TRPM3: variants seen among roughly 807,000 people sequenced by gnomAD.
The protein encoded by TRPM3 is transient receptor potential cation channel subfamily M member 3.
In TRPM3, 77 loss-of-function variants were observed where a neutral mutation model predicts 181.2. The observed-to-expected ratio is 0.42, with a 90% CI of 0.35 to 0.51. The LOEUF (loss-of-function observed/expected upper bound fraction) is 0.51, where lower values mean the gene tolerates loss of function less well. Ranked by LOEUF, TRPM3 falls within the 20% of genes least tolerant of loss-of-function variation. The probability of loss-of-function intolerance (pLI) is 0.01; values close to 1 mark genes in which losing one functional copy is unlikely to be tolerated. For missense variants in TRPM3, 1,759 were observed against 2,196.7 expected, an observed-to-expected ratio of 0.80 and a Z score of 3.98; for synonymous variants, 745 against 796.4, an observed-to-expected ratio of 0.94 and a Z score of 1.09.
intron 1 of TRPM3, among the ~76,000 whole-genome samples, chr9:70,915,320 CAG>C (rs1383030082): frequency 1.3e-5 from 2 of 151,396 alleles, no homozygotes; most frequent in African/African-American, 2.4e-5. Context: ...TTTTTTGAGA[CAG>C]AGTCTTACTC....
intron 1 of TRPM3, among the ~76,000 whole-genome samples, chr9:71,130,028 A>AT (rs1350702374): frequency 1.3e-5 from 2 of 152,252 alleles, no homozygotes; most frequent in African/African-American, 2.4e-5. Flanking sequence ...AACTTATATG[A>AT]TTTTTTGCAA....
chr9:71,111,415 C>A (rs1396722591), intron 1 of TRPM3, among the ~76,000 whole-genome samples: 3 of 152,138 alleles, frequency 2.0e-5, no homozygotes, highest in Non-Finnish European at 4.4e-5. Context: ...TTCCCCTCGC[C>A]CCCAAAGGAT....
chr9:71,419,618 A>G (rs183122267), intron 1 of TRPM3, among the ~76,000 whole-genome samples: 5 of 152,112 alleles, frequency 3.3e-5, no homozygotes, highest in African/African-American at 1.2e-4. Context: ...TTGTAACCAA[A>G]GATACATATC....
intron 1 of TRPM3, among the ~76,000 whole-genome samples, chr9:71,400,206 G>T (rs28408974): frequency 6.6e-6 from 1 of 151,942 alleles, no homozygotes; most frequent in Non-Finnish European, 1.5e-5. Context: ...AGCAATCCAC[G>T]CACCTCAGTC....
chr9:71,424,550 TGACA>T (rs2093829968), intron 1 of TRPM3, among the ~76,000 whole-genome samples: 1 of 152,144 alleles, frequency 6.6e-6, no homozygotes, highest in African/African-American at 2.4e-5. Flanking sequence ...CAAATATTAC[TGACA>T]ATGTTAGGTT....
At chr9:70,581,393 G>T (rs1176622163) in intron 22 of TRPM3, among the ~76,000 whole-genome samples, 1 of 152,220 alleles carries the variant, frequency 6.6e-6, no homozygotes, top group East Asian at 1.9e-4. Flanking sequence ...GACGTGGTCT[G>T]ATATCTAGCC....
intron 21 of TRPM3, among the ~76,000 whole-genome samples, chr9:70,596,709 T>C (rs2059099635): frequency 1.5e-5 from 1 of 66,998 alleles, no homozygotes; most frequent in Non-Finnish European, 3.0e-5. Context: ...AGTAAAACAC[T>C]GTCAAAAAAA....
chr9:70,983,570 C>T (rs1333468010), intron 1 of TRPM3, among the ~76,000 whole-genome samples: 1 of 152,150 alleles, frequency 6.6e-6, no homozygotes, highest in Non-Finnish European at 1.5e-5. Flanking sequence ...AGGGAGTCAG[C>T]CACCATCACT....
At chr9:70,863,363 C>T (rs1054658249) in intron 2 of TRPM3, among the ~76,000 whole-genome samples, 45 of 152,226 alleles carry the variant, frequency 3.0e-4, no homozygotes, top group African/African-American at 9.1e-4. Context: ...TGCCCTTCTC[C>T]GTCCACCTCT....
chr9:70,888,872 T>G (rs78008674), intron 1 of TRPM3, among the ~76,000 whole-genome samples: 1 of 152,198 alleles, frequency 6.6e-6, no homozygotes, highest in Non-Finnish European at 1.5e-5. Context: ...CATATGCATT[T>G]ATCTCGATTT....
intron 1 of TRPM3, among the ~76,000 whole-genome samples, chr9:71,133,844 C>T (rs757796948): frequency 1.3e-5 from 2 of 152,136 alleles, no homozygotes; most frequent in Non-Finnish European, 2.9e-5. Context: ...AATCTAAGCA[C>T]AGACAAACAC....
In TRPM3 at chr9:70,591,031, G is replaced by A. The variant is rs765292764; in HGVS notation, c.3223C>T (p.Pro1075Ser). 45 of 1,613,972 alleles carry A rather than the reference G, an allele frequency of 2.8e-5. No individual in the cohort carries two copies. Among genetic ancestry groups the A allele is most frequent in the Admixed American group, 3.3e-5 (2 of 59,994 alleles). The change falls in exon 22 of 26, where the codon CCT (proline) becomes TCT (serine). Residue 1075 changes from proline (P) to serine (S), a missense_variant and splice_region_variant. Pro to Ser is a moderately conservative substitution (Grantham distance 74, BLOSUM62 -1). This residue lies in a region of TRPM3 where 94 missense variants were observed against 221.3 expected (regional missense o/e 0.42). Transcript: ENST00000677713. ...GTATGAGAATCATAAACTTGCTTAC[G>A]GTCTATCTGGTCCGCAAACACTTCC... ...YGEVFADQIDPPCGQNETRED... is the reference protein window; with the variant it reads ...YGEVFADQIDSPCGQNETRED...
At chr9:71,023,204 GA>G (rs1393886248) in intron 1 of TRPM3, among the ~76,000 whole-genome samples, 1 of 152,156 alleles carries the variant, frequency 6.6e-6, no homozygotes, top group African/African-American at 2.4e-5. Context: ...TACTAAAGAA[GA>G]AATAGAGGTG....
intron 8 of TRPM3, among the ~76,000 whole-genome samples, chr9:70,698,634 A>C (rs10124821): frequency 0.51 from 77,182 of 151,962 alleles, 20,462 homozygotes; most frequent in Non-Finnish European, 0.58. Context: ...TGTCCCCACC[A>C]AAATCTCATG....
At chr9:70,787,975 G>A (rs998360502) in intron 6 of TRPM3, among the ~76,000 whole-genome samples, 3 of 146,330 alleles carry the variant, frequency 2.1e-5, no homozygotes, top group African/African-American at 5.1e-5. Flanking sequence ...CCTTGTCCCC[G>A]CTACCAGCTA....
In TRPM3 at chr9:71,334,385, C is replaced by T. The variant is rs536457626; in HGVS notation, c.183+112268G>A. On this transcript the variant is annotated intron_variant, in intron 1 of 24. Coordinates refer to the TRPM3 transcript ENST00000357533. ...TGGTTAACATACATGAGTTGCAAAC[C>T]GCTAGGAAAAAGAGACCAATTTCTA... is the stretch of plus-strand genomic sequence containing the variant. Among the ~76,000 whole-genome samples the T allele has an allele frequency of 2.6e-5, 4 of 151,754 alleles. No individual in the cohort carries two copies. In the South Asian group the frequency reaches 8.3e-4, roughly 32 times the overall value.
intron 25 of TRPM3, among the ~76,000 whole-genome samples, chr9:70,547,048 A>G (rs1767388624): frequency 6.6e-6 from 1 of 152,210 alleles, no homozygotes; most frequent in African/African-American, 2.4e-5. Flanking sequence ...ACGTGTATAA[A>G]TAACTTGTGT....
chr9:70,973,067 C>T lies in TRPM3; in HGVS notation c.178-108556G>A, dbSNP rs148678653. On this transcript the variant is annotated intron_variant, in intron 1 of 25. Transcript: ENST00000677713. Reference sequence around the variant, plus strand: ...CAATATAAAGATGAAACAGGTGAGACAAAATAAGATTTTAAGTGACACAGA... The same window carrying T: ...CAATATAAAGATGAAACAGGTGAGATAAAATAAGATTTTAAGTGACACAGA... Among the ~76,000 whole-genome samples, 3 of 152,184 alleles carry T rather than the reference C, an allele frequency of 2.0e-5. No individual in the cohort carries two copies. The East Asian group carries it at 5.8e-4, about 29-fold the overall frequency.
Position 71,237,304 on chromosome 9 carries a change from A to G in TRPM3, c.183+209349T>C, listed in dbSNP as rs140162867. 6.6e-5 allele frequency among the ~76,000 whole-genome samples: 10 copies of G among 152,302 alleles called. No homozygotes were observed. In the East Asian group the frequency reaches 1.3e-3, roughly 21 times the overall value. On this transcript the variant is annotated intron_variant, in intron 1 of 24. Coordinates refer to the TRPM3 transcript ENST00000357533. ...TTTTTCTGAATGAAATGATGATACT[A>G]TGAACACAGTTCTAAAGTATGACCA...
Sources: allele counts gnomAD v4.1 joint callset (sites outside exome capture counted in the v4.1 genomes callset), GRCh38; gene constraint gnomAD v4.1.1; regional missense constraint gnomAD v4.1.1; transcripts MANE v1.5; gene names NCBI Gene and HGNC (gene_info 2026-07-23, HGNC 2026-07-21).